Variants in EMSY observed in about 807,000 individuals in gnomAD.
EMSY encodes the protein EMSY transcriptional repressor, BRCA2 interacting, also known as BRCA2-interacting transcriptional repressor EMSY.
A neutral mutation model predicts 134.6 loss-of-function variants in EMSY; 26 were observed. That is an observed-to-expected ratio of 0.19 (90% CI 0.14 to 0.27). The LOEUF (loss-of-function observed/expected upper bound fraction) is 0.27, where lower values mean the gene tolerates loss of function less well. Ranked by LOEUF, EMSY falls within the 10% of genes least tolerant of loss-of-function variation. The pLI is 1.00. For synonymous variants in EMSY, 579 were observed against 577.8 expected (o/e 1.00, Z -0.03); for missense variants, 1,305 against 1,611.4 (o/e 0.81, Z 3.26).
At chr11:76,488,524 A>ATTTTTTTTTG (rs1565308525) in intron 8 of EMSY, among the ~76,000 whole-genome samples, 1 of 138,674 alleles carries the variant, frequency 7.2e-6, no homozygotes, top group Non-Finnish European at 1.6e-5. Context: ...TATTTATGCT[A>ATTTTTTTTTG]TTTTTTTTTT....
chr11:76,539,258 T>C (rs564629720), intron 16 of EMSY, among the ~76,000 whole-genome samples: 2 of 152,278 alleles, frequency 1.3e-5, no homozygotes, highest in South Asian at 2.1e-4. Context: ...TGAGGCAATA[T>C]GTAGAGGACT....
intron 8 of EMSY, among the ~76,000 whole-genome samples, chr11:76,474,838 C>G (rs1948714621): frequency 6.6e-6 from 1 of 152,070 alleles, no homozygotes; most frequent in Non-Finnish European, 1.5e-5. Context: ...ATCTTGGCTT[C>G]CTGCAACCTC....
chr11:76,507,995 C>G (rs904055479), intron 9 of EMSY, among the ~76,000 whole-genome samples: 32 of 151,852 alleles, frequency 2.1e-4, no homozygotes, highest in Non-Finnish European at 4.4e-5. Context: ...TCCCAAGTAG[C>G]TGAGACTACA....
exon 21 of EMSY, chr11:76,549,955 A>C (rs757349240): frequency 1.9e-6 from 3 of 1,607,336 alleles, no homozygotes; most frequent in East Asian, 2.2e-5. Context: ...CTTCCAGGCT[A>C]TTCCTCAGTA....
chr11:76,502,917 G>C (rs192555810), intron 9 of EMSY, among the ~76,000 whole-genome samples: 1 of 152,042 alleles, frequency 6.6e-6, no homozygotes, highest in African/African-American at 2.4e-5. Flanking sequence ...AGACTTCTTC[G>C]TAGAAATTGA....
chr11:76,524,565 G>T (rs1284303972), intron 12 of EMSY, among the ~76,000 whole-genome samples: 9 of 152,148 alleles, frequency 5.9e-5, no homozygotes, highest in Non-Finnish European at 2.9e-5. Context: ...TTGTAATATG[G>T]TTTGCAATTT....
chr11:76,545,179 A>G (rs891888864), intron 19 of EMSY, among the ~76,000 whole-genome samples: 20 of 152,324 alleles, frequency 1.3e-4, no homozygotes, highest in Admixed American at 1.0e-3. Flanking sequence ...TTCTGTGGTA[A>G]TAATGCTAAG....
intron 8 of EMSY, among the ~76,000 whole-genome samples, chr11:76,494,339 G>C (rs1949544146): frequency 6.6e-6 from 1 of 152,236 alleles, no homozygotes; most frequent in Non-Finnish European, 1.5e-5. Context: ...AGTTTAGTTA[G>C]GGAGTTACCC....
At chr11:76,472,493 A>G in intron 7 of EMSY, 71 bp from the exon 9 acceptor site, 1 of 1,353,690 alleles carries the variant, frequency 7.4e-7, no homozygotes, top group Non-Finnish European at 1.0e-6. Context: ...AATTATATAT[A>G]ACTAACTGTG....
chr11:76,472,530 G>C, intron 7 of EMSY, 34 bp from the exon 9 acceptor site: 1 of 1,577,740 alleles, frequency 6.3e-7, no homozygotes, highest in Non-Finnish European at 8.7e-7. Context: ...TAGTTTAGTA[G>C]GTACATAAAA....
intron 8 of EMSY, among the ~76,000 whole-genome samples, chr11:76,492,995 AGC>A (rs1275758552): frequency 6.6e-6 from 1 of 152,028 alleles, no homozygotes; most frequent in African/African-American, 2.4e-5. Flanking sequence ...TGTGGAAAGG[AGC>A]TACCCGCTGT....
chr11:76,505,374 T>TG (rs1341079965), intron 9 of EMSY, among the ~76,000 whole-genome samples: 3 of 148,178 alleles, frequency 2.0e-5, no homozygotes, highest in Non-Finnish European at 4.5e-5. Flanking sequence ...TTTTTTTTTT[T>TG]TTTTTTTGTA....
chr11:76,552,188 G>A (rs1185998842), downstream of EMSY: 2 of 152,008 alleles, frequency 1.3e-5, no homozygotes, highest in Non-Finnish European at 2.9e-5. Flanking sequence ...AATATTAATT[G>A]AGCATCTTCT....
At chr11:76,547,197 G>T in intron 20 of EMSY, 1 of 340,134 alleles carries the variant, frequency 2.9e-6, no homozygotes, top group Non-Finnish European at 5.7e-6. Flanking sequence ...TTGAGAATTT[G>T]GATTTATTGA....
intron 15 of EMSY, 110 bp downstream of exon 16, chr11:76,536,169 T>G: frequency 1.4e-6 from 1 of 735,658 alleles, no homozygotes; most frequent in Non-Finnish European, 1.8e-6. Flanking sequence ...TTATTATTAT[T>G]GCTATTATTT....
At chr11:76,530,489 G>A (rs1007098165) in intron 14 of EMSY, among the ~76,000 whole-genome samples, 2 of 152,168 alleles carry the variant, frequency 1.3e-5, no homozygotes, top group Admixed American at 6.5e-5. Context: ...CTAAGAATGG[G>A]ACATAAGTTT....
chr11:76,511,606 A>G (rs866771669), intron 9 of EMSY, among the ~76,000 whole-genome samples: 3 of 152,174 alleles, frequency 2.0e-5, no homozygotes, highest in African/African-American at 7.2e-5. Context: ...AGGCTGAGGC[A>G]GGAGAATCAC....
downstream of EMSY, chr11:76,552,909 T>C (rs1164068507): frequency 2.6e-5 from 4 of 152,258 alleles, no homozygotes; most frequent in African/African-American, 9.6e-5. Flanking sequence ...ATATGTGGTC[T>C]TTTGTGACTT....
At chr11:76,546,205 C>G (rs1033100839) in exon 20 of EMSY, 2 of 1,614,132 alleles carry the variant, frequency 1.2e-6, no homozygotes, top group Non-Finnish European at 8.5e-7. Context: ...GAAAATTGAT[C>G]CACCAGCAGT....
Sources: allele counts gnomAD v4.1 joint callset (sites outside exome capture counted in the v4.1 genomes callset), GRCh38; gene constraint gnomAD v4.1.1; transcripts MANE v1.5; gene names NCBI Gene and HGNC (gene_info 2026-07-23, HGNC 2026-07-21).